The following BMPR1A variants were observed in gnomAD, a reference collection of about 807,000 sequenced individuals.
The protein encoded by BMPR1A is bone morphogenetic protein receptor type-1A.
BMPR1A carries 7 observed loss-of-function variants against 66.0 expected under a neutral mutation model. The observed-to-expected ratio is 0.11, with a 90% CI of 0.06 to 0.20. BMPR1A has a LOEUF of 0.20. Ranked by LOEUF, BMPR1A falls within the 10% of genes least tolerant of loss-of-function variation. The pLI is 1.00. For synonymous variants in BMPR1A, 200 were observed against 229.7 expected (o/e 0.87, Z 1.17); for missense variants, 408 against 669.1 (o/e 0.61, Z 4.31).
At chr10:86,864,869 A>G (rs1343300668) in intron 2 of BMPR1A, among the ~76,000 whole-genome samples, 2 of 151,984 alleles carry the variant, frequency 1.3e-5, no homozygotes, top group East Asian at 3.9e-4. Context: ...CCCTTACCAC[A>G]AGATCTCCCT....
intron 7 of BMPR1A, among the ~76,000 whole-genome samples, chr10:86,905,782 A>T (rs989797593): frequency 6.6e-6 from 1 of 151,732 alleles, no homozygotes; most frequent in Non-Finnish European, 1.5e-5. Context: ...TAAGAATTGA[A>T]TGATTTTTTT....
At chr10:86,908,837 GTCC>G (rs1028612347) in intron 7 of BMPR1A, among the ~76,000 whole-genome samples, 3 of 152,172 alleles carry the variant, frequency 2.0e-5, no homozygotes, top group African/African-American at 7.2e-5. Flanking sequence ...CTGCCCTGTG[GTCC>G]TCCTGTAGGA....
intron 7 of BMPR1A, among the ~76,000 whole-genome samples, chr10:86,904,183 C>T (rs769788546): frequency 2.8e-4 from 42 of 152,326 alleles, no homozygotes; most frequent in African/African-American, 9.9e-4. Flanking sequence ...GGACTATAGG[C>T]GTGAGCCACT....
rs1483771162 is a variant in BMPR1A, at chr10:86,926,356, C to G, written c.*2637C>G. 2.6e-5 allele frequency: 4 copies of G among 153,538 alleles called. No homozygotes were observed. Among genetic ancestry groups the G allele is most frequent in the African/African-American group, 9.6e-5 (4 of 41,464 alleles). 9.5% of individuals were successfully genotyped at this position (153,538 alleles called of 1,614,324 possible). ...CCAACATGGTGAAACCCCATCTCTA[C>G]TAAAAATAAAAAACTCAGCCAGGCG... On this transcript the variant is annotated 3_prime_UTR_variant, in exon 13 of 13. Transcript: ENST00000372037.
At chr10:86,866,882 C>T (rs1381457412) in intron 2 of BMPR1A, among the ~76,000 whole-genome samples, 2 of 152,108 alleles carry the variant, frequency 1.3e-5, no homozygotes, top group African/African-American at 4.8e-5. Flanking sequence ...TATTTATCTC[C>T]TTGAACCTAT....
At chr10:86,811,620 C>G (rs934491285) in intron 1 of BMPR1A, among the ~76,000 whole-genome samples, 2 of 152,106 alleles carry the variant, frequency 1.3e-5, no homozygotes, top group Non-Finnish European at 2.9e-5. Context: ...TGATCAGATT[C>G]TGATGTTCAA....
intron 1 of BMPR1A, among the ~76,000 whole-genome samples, chr10:86,830,921 C>G (rs1348262354): frequency 1.3e-5 from 2 of 152,050 alleles, no homozygotes; most frequent in Non-Finnish European, 2.9e-5. Flanking sequence ...CCCCAGACGG[C>G]CACGAATCTA....
chr10:86,801,674 A>G (rs1034252734), intron 1 of BMPR1A, among the ~76,000 whole-genome samples: 2 of 151,868 alleles, frequency 1.3e-5, no homozygotes, highest in South Asian at 2.1e-4. Flanking sequence ...TCTGCTTGCA[A>G]CACTTCCTGT....
Position 86,803,793 on chromosome 10 carries a change from A to G in BMPR1A, c.-267-35072A>G, listed in dbSNP as rs143173608. 4.6e-5 allele frequency among the ~76,000 whole-genome samples: 7 copies of G among 152,204 alleles called. No individual in the cohort carries two copies. In the East Asian group the frequency reaches 1.2e-3, roughly 25 times the overall value. ...TCGAGGATATTTGTTTATTTTTCCA[A>G]CTGTCTTTAGAAATGTTTTATCTGA... On this transcript the variant is annotated intron_variant, in intron 1 of 12. Coordinates refer to ENST00000372037, the MANE Select transcript of BMPR1A (RefSeq NM_004329.3).
At chr10:86,856,809 C>T (rs952710728) in intron 2 of BMPR1A, among the ~76,000 whole-genome samples, 1 of 152,254 alleles carries the variant, frequency 6.6e-6, no homozygotes, top group African/African-American at 2.4e-5. Flanking sequence ...CCTGTTATTC[C>T]GATTAACTGG....
chr10:86,851,630 C>T (rs1034451928), intron 2 of BMPR1A, among the ~76,000 whole-genome samples: 27 of 152,264 alleles, frequency 1.8e-4, no homozygotes, highest in Non-Finnish European at 3.7e-4. Context: ...GGATTGCATA[C>T]ACAAGGGAAC....
chr10:86,796,898 T>C (rs1841719964), intron 1 of BMPR1A, among the ~76,000 whole-genome samples: 1 of 152,068 alleles, frequency 6.6e-6, no homozygotes, highest in Admixed American at 6.6e-5. Flanking sequence ...TGTTGTTCTG[T>C]TTTGTCCTGT....
intron 3 of BMPR1A, among the ~76,000 whole-genome samples, chr10:86,884,894 T>G (rs1484841828): frequency 6.6e-6 from 1 of 152,246 alleles, no homozygotes; most frequent in South Asian, 2.1e-4. Flanking sequence ...TAATGTTAAC[T>G]GATTTATGCA....
intron 2 of BMPR1A, among the ~76,000 whole-genome samples, chr10:86,850,035 C>T (rs988197180): frequency 6.6e-6 from 1 of 152,110 alleles, no homozygotes; most frequent in African/African-American, 2.4e-5. Flanking sequence ...AAATTCACTA[C>T]TCAGGCCGGG....
chr10:86,874,403 C>CCTCCCCTCCT (rs1842892538), intron 2 of BMPR1A, among the ~76,000 whole-genome samples: 1 of 151,854 alleles, frequency 6.6e-6, no homozygotes, highest in Non-Finnish European at 1.5e-5. Flanking sequence ...GCTCCCCTCC[C>CCTCCCCTCCT]CTCCTCTCCT....
At chr10:86,869,389 G>A (rs901693174) in intron 2 of BMPR1A, among the ~76,000 whole-genome samples, 1 of 149,920 alleles carries the variant, frequency 6.7e-6, no homozygotes, top group Non-Finnish European at 1.5e-5. Context: ...CCCAGGAGGT[G>A]AAGGTTGCAG....
At chr10:86,863,589 T>C (rs1050488992) in intron 2 of BMPR1A, among the ~76,000 whole-genome samples, 10 of 152,184 alleles carry the variant, frequency 6.6e-5, no homozygotes, top group African/African-American at 2.4e-4. Flanking sequence ...TCTCCCGGGA[T>C]CTGGCTTCTT....
chr10:86,760,693 AG>A (rs34861930), intron 1 of BMPR1A, among the ~76,000 whole-genome samples: 14,379 of 152,216 alleles, frequency 0.094, 1,405 homozygotes, highest in African/African-American at 0.25. Context: ...ATTGGATCTT[AG>A]GAGCAGCGAA....
At chr10:86,920,110 G>A (rs1324448750) in intron 10 of BMPR1A, among the ~76,000 whole-genome samples, 2 of 152,152 alleles carry the variant, frequency 1.3e-5, no homozygotes, top group Non-Finnish European at 2.9e-5. Flanking sequence ...AACATTAAAG[G>A]TGTCTTCAGT....
Sources: gnomAD v4.1 joint callset for allele counts (sites outside exome capture counted in the v4.1 genomes callset) on GRCh38, gnomAD v4.1.1 for gene constraint, MANE v1.5 for transcripts, NCBI Gene and HGNC (gene_info 2026-07-23, HGNC 2026-07-21) for gene names.